Variants in DCP1A observed in about 807,000 individuals in gnomAD.
The protein encoded by DCP1A is mRNA-decapping enzyme 1A.
DCP1A carries 20 observed loss-of-function variants against 58.0 expected under a neutral mutation model. That is an observed-to-expected ratio of 0.34 (90% CI 0.24 to 0.50). The LOEUF (loss-of-function observed/expected upper bound fraction) is 0.50, where lower values mean the gene tolerates loss of function less well. Ranked by LOEUF, DCP1A falls within the 20% of genes least tolerant of loss-of-function variation. The pLI is 0.98. For missense variants in DCP1A, 613 were observed against 712.2 expected (o/e 0.86, Z 1.59); for synonymous variants, 285 against 275.1 (o/e 1.04, Z -0.36).
intron 3 of DCP1A, among the ~76,000 whole-genome samples, chr3:53,331,410 T>C (rs1018273791): frequency 5.9e-5 from 9 of 152,188 alleles, no homozygotes; most frequent in African/African-American, 9.6e-5. Context: ...TAATACCACA[T>C]TTTCACTGTA....
chr3:53,304,595 T>TG (rs1324756325), intron 5 of DCP1A, among the ~76,000 whole-genome samples: 2 of 152,180 alleles, frequency 1.3e-5, no homozygotes, highest in East Asian at 3.9e-4. Flanking sequence ...TTTTCCAAGA[T>TG]GGAGTCTTGC....
At chr3:53,290,022 G>A (rs999727902) in intron 8 of DCP1A, among the ~76,000 whole-genome samples, 1 of 152,162 alleles carries the variant, frequency 6.6e-6, no homozygotes, top group Non-Finnish European at 1.5e-5. Context: ...GACCAGTCAG[G>A]TGCTGGCTCC....
At chr3:53,341,348 G>A (rs1469462331) in intron 3 of DCP1A, among the ~76,000 whole-genome samples, 3 of 152,078 alleles carry the variant, frequency 2.0e-5, no homozygotes, top group Non-Finnish European at 2.9e-5. Context: ...CCAGCTACTT[G>A]GGAGGCCGAG....
chr3:53,306,663 C>T (rs1265716335), intron 5 of DCP1A, among the ~76,000 whole-genome samples: 7 of 147,914 alleles, frequency 4.7e-5, no homozygotes, highest in African/African-American at 7.5e-5. Context: ...CCCAGCTACT[C>T]GGGAGGCTGA....
At chr3:53,310,172 G>A (rs1553688506) in intron 5 of DCP1A, among the ~76,000 whole-genome samples, 1 of 152,108 alleles carries the variant, frequency 6.6e-6, no homozygotes, top group East Asian at 1.9e-4. Flanking sequence ...ATCCCAAAGG[G>A]TTTCATTTTA....
At chr3:53,290,913 T>C in intron 7 of DCP1A, 57 bp from the exon 8 acceptor site, 1 of 1,427,894 alleles carries the variant, frequency 7.0e-7, no homozygotes, top group Non-Finnish European at 9.7e-7. Flanking sequence ...TTAAGAAGAC[T>C]TCCTAGTCTT....
At chr3:53,297,994 C>T (rs1375432297) in intron 6 of DCP1A, among the ~76,000 whole-genome samples, 1 of 152,204 alleles carries the variant, frequency 6.6e-6, no homozygotes, top group African/African-American at 2.4e-5. Flanking sequence ...TAGGCGGAAG[C>T]ATTGCTTGAA....
chr3:53,294,700 T>C (rs1707056338), intron 6 of DCP1A, among the ~76,000 whole-genome samples: 1 of 152,194 alleles, frequency 6.6e-6, no homozygotes, highest in Admixed American at 6.6e-5. Flanking sequence ...GCTCTGCTCC[T>C]TTCCAGCTGT....
rs1312610201 is a variant in DCP1A, at chr3:53,299,577, T to C, written c.624+4600A>G. Among the ~76,000 whole-genome samples the C allele has an allele frequency of 2.0e-5, 3 of 152,302 alleles. No homozygotes were observed. The East Asian group carries it at 5.8e-4, about 29-fold the overall frequency. On this transcript the variant is annotated intron_variant, in intron 6 of 9. Transcript: ENST00000610213. ...TCACTGCAGTGGGCACACTATAAGA[T>C]AGGCACTATTCTTGAACATAGGAAA...
At chr3:53,327,720 G>A (rs557954040) in intron 3 of DCP1A, among the ~76,000 whole-genome samples, 1 of 152,054 alleles carries the variant, frequency 6.6e-6, no homozygotes, top group East Asian at 1.9e-4. Flanking sequence ...GAGCCTGGGA[G>A]GCAGAGGTTG....
At chr3:53,325,859 T>C (rs1412735974) in intron 3 of DCP1A, among the ~76,000 whole-genome samples, 3 of 152,188 alleles carry the variant, frequency 2.0e-5, no homozygotes, top group South Asian at 2.1e-4. Flanking sequence ...TTTGGCATGT[T>C]ACAAACACTT....
rs114280309 is a variant in DCP1A at position 53,321,368 on chromosome 3, G to A, written c.305-1895C>T. Among the ~76,000 whole-genome samples the A allele has an allele frequency of 8.7e-3, 1,324 of 152,280 alleles. 25 individuals carry two copies. Among genetic ancestry groups the A allele is most frequent in the African/African-American group, 0.03 (1,250 of 41,542 alleles). On this transcript the variant is annotated intron_variant, in intron 3 of 9. Transcript: ENST00000610213. ...ATGGATGGGAATAGGGGTTAACGGA[G>A]AGACTAAGTAACTTATTAACAAATT...
At chr3:53,288,895 T>C (rs1346664606) in intron 8 of DCP1A, among the ~76,000 whole-genome samples, 3 of 152,062 alleles carry the variant, frequency 2.0e-5, no homozygotes, top group Non-Finnish European at 4.4e-5. Context: ...CGTGTGCCTG[T>C]AATCCCAGAC....
At chr3:53,301,467 T>G (rs1223114493) in intron 6 of DCP1A, among the ~76,000 whole-genome samples, 3 of 152,074 alleles carry the variant, frequency 2.0e-5, no homozygotes, top group African/African-American at 7.2e-5. Context: ...GAGACGGGGT[T>G]TCACCATGTT....
Position 53,312,344 on chromosome 3 carries a change from G to C in DCP1A, c.407C>G (p.Ala136Gly). 6.2e-7 allele frequency: 1 copy of C among 1,612,366 alleles called. No homozygotes were observed. Among genetic ancestry groups the C allele is most frequent in the Non-Finnish European group, 8.5e-7 (1 of 1,179,322 alleles). ...VEEETRRSQQAARDKQSPSQA... is the reference protein window; with the variant it reads ...VEEETRRSQQGARDKQSPSQA... ...GCTGGGACTCTGTTTGTCCCGAGCA[G>C]CTTGCTGGGATCGCCGTGTCTCCTC... The change falls in exon 5 of 10, where the codon GCT (alanine) becomes GGT (glycine). Residue 136 changes from alanine to glycine, a missense_variant. Physicochemically the swap from Ala to Gly is moderately conservative, Grantham distance 60 (BLOSUM62 0). This residue lies in a region of DCP1A where 498 missense variants were observed against 556.7 expected (regional missense o/e 0.89). Coordinates refer to ENST00000610213, the MANE Select transcript of DCP1A (RefSeq NM_018403.7).
chr3:53,296,093 T>C (rs186270022), intron 6 of DCP1A, among the ~76,000 whole-genome samples: 12 of 152,220 alleles, frequency 7.9e-5, no homozygotes, highest in Admixed American at 6.5e-4. Flanking sequence ...GGATTCACCA[T>C]GTTGCCCGGG....
intron 3 of DCP1A, among the ~76,000 whole-genome samples, chr3:53,332,184 G>T (rs933946360): frequency 1.3e-5 from 2 of 152,264 alleles, no homozygotes; most frequent in Non-Finnish European, 2.9e-5. Flanking sequence ...CCTTTACAGA[G>T]GCTGGTCTCC....
At chr3:53,343,607 C>G (rs200090816) in intron 2 of DCP1A, among the ~76,000 whole-genome samples, 1 of 151,946 alleles carries the variant, frequency 6.6e-6, no homozygotes, top group East Asian at 1.9e-4. Context: ...AGATCCTTTC[C>G]TATTAATTTA....
chr3:53,309,721 T>C (rs1471015182), intron 5 of DCP1A, among the ~76,000 whole-genome samples: 1 of 152,236 alleles, frequency 6.6e-6, no homozygotes, highest in Non-Finnish European at 1.5e-5. Context: ...GCCAAGATTG[T>C]GCCCCTGCAC....
Sources: allele counts gnomAD v4.1 joint callset (sites outside exome capture counted in the v4.1 genomes callset), GRCh38; gene constraint gnomAD v4.1.1; regional missense constraint gnomAD v4.1.1; transcripts MANE v1.5; gene names NCBI Gene and HGNC (gene_info 2026-07-23, HGNC 2026-07-21).